Variants in WNK1 observed in about 807,000 individuals in gnomAD.
WNK1 encodes the protein serine/threonine-protein kinase WNK1.
Under a neutral mutation model 222.8 loss-of-function variants are expected in WNK1, and 38 were observed. The ratio of observed to expected loss-of-function variants is 0.17; its 90% confidence interval spans 0.13 to 0.22. The LOEUF is 0.22. Ranked by LOEUF, WNK1 falls within the 10% of genes least tolerant of loss-of-function variation. The probability of loss-of-function intolerance (pLI) is 1.00; values close to 1 mark genes in which losing one functional copy is unlikely to be tolerated. For synonymous variants in WNK1, 1,090 were observed against 1,092.9 expected, an observed-to-expected ratio of 1.00 and a Z score of 0.05; for missense variants, 2,348 against 2,918.4, an observed-to-expected ratio of 0.80 and a Z score of 4.50.
At chr12:773,555 C>T (rs924202034) in intron 1 of WNK1, among the ~76,000 whole-genome samples, 10 of 152,160 alleles carry the variant, frequency 6.6e-5, no homozygotes, top group Non-Finnish European at 5.9e-5. Context: ...AATAACCCCA[C>T]TGAAGTTTCA....
rs1404252218 is a variant in WNK1 at position 884,201 on chromosome 12, T to G, written c.3802T>G (p.Leu1268Val). ...FIVSPVPESR[L>V]RESKVFPSEI... is the part of the protein sequence containing the mutation. ...AGTGAGTCCTGTGCCAGAAAGCCGA[T>G]TACGAGAATCAAAAGTTTTCCCCAG... Residue 1268 changes from leucine (L) to valine (V), a missense_variant, in exon 18 of 28, where the codon TTA becomes GTA. Transcript: ENST00000315939. This position sits in a 1 kb window ranked among gnomAD's most constrained non-coding sequence, Gnocchi z 5.6. The G allele has an allele frequency of 1.2e-6, 2 of 1,614,066 alleles. No homozygotes were observed. The highest frequency in any genetic ancestry group is 4.5e-5 in the East Asian group (2 of 44,890).
Position 754,055 on chromosome 12 carries a change from C to T in WNK1, c.490C>T (p.Arg164Cys), listed in dbSNP as rs201939737. 117 of 1,600,558 alleles carry T rather than the reference C, an allele frequency of 7.3e-5. No individual in the cohort carries two copies. In the East Asian group the frequency reaches 2.5e-3, roughly 34 times the overall value. The change falls in exon 1 of 28, where the codon CGC (arginine) becomes TGC (cysteine). Residue 164 changes from arginine (R) to cysteine (C), a missense_variant. Physicochemically the swap from Arg to Cys is radical, Grantham distance 180 (BLOSUM62 -3). Around this residue, in one of 13 missense-constraint regions of WNK1, gnomAD observed 185 missense variants for 159.2 expected, o/e 1.16. Coordinates refer to ENST00000315939, the MANE Select transcript of WNK1 (RefSeq NM_018979.4). ...TGTCCCCAGCAGTACCAGCAAAGAC[C>T]GCCCAGTGTCCCAGCCTAGCCTTGT... ...STVPSSTSKD[R>C]PVSQPSLVGS...
chr12:801,246 T>C (rs1419660794), intron 1 of WNK1, among the ~76,000 whole-genome samples: 1 of 152,236 alleles, frequency 6.6e-6, no homozygotes, highest in Non-Finnish European at 1.5e-5. Flanking sequence ...TTGAATGATA[T>C]TAATGAATGT....
At position 883,011 on chromosome 12, in the gene WNK1, C is replaced by T. The variant is rs760041218; in HGVS notation, c.3441C>T (p.Phe1147=). 1.2e-6 allele frequency: 2 copies of T among 1,613,688 alleles called. No individual in the cohort carries two copies. The highest frequency in any genetic ancestry group is 2.2e-5 in the South Asian group (2 of 91,070). Reference sequence around the variant, plus strand: ...CTCATAATAGGAAAATGGTTACATTCAAATTTGACCTAGATGGTGACAACC... The same window carrying T: ...CTCATAATAGGAAAATGGTTACATTTAAATTTGACCTAGATGGTGACAACC... ...LETHNRKMVT[F]KFDLDGDNPE... The change falls in exon 15 of 28, where the codon TTC becomes TTT. Residue 1147 remains phenylalanine, a synonymous_variant. Transcript: ENST00000315939.
chr12:890,637 T>C, intron 22 of WNK1, 124 bp downstream of exon 22: 1 of 981,930 alleles, frequency 1.0e-6, no homozygotes, highest in East Asian at 2.6e-5. Context: ...TTGGTAGTAA[T>C]ATCTAAAGCT....
chr12:823,804 G>A (rs994265719), intron 2 of WNK1, among the ~76,000 whole-genome samples: 83 of 152,174 alleles, frequency 5.5e-4, no homozygotes, highest in African/African-American at 1.8e-3. Context: ...GCTTATGAGA[G>A]TGGAGCTTTT....
chr12:787,023 T>C (rs1367751976), intron 1 of WNK1, among the ~76,000 whole-genome samples: 1 of 152,216 alleles, frequency 6.6e-6, no homozygotes, highest in Admixed American at 6.5e-5. Context: ...ATAGATTTAT[T>C]TTCTTTGCAT....
intron 8 of WNK1, chr12:864,960 A>G (rs1001517474): frequency 1.1e-6 from 1 of 904,764 alleles, no homozygotes; most frequent in African/African-American, 1.9e-5. Context: ...ATGTTGAGTT[A>G]TAGCTCTCCT....
At chr12:894,383 A>G (rs1954557309) in intron 22 of WNK1, among the ~76,000 whole-genome samples, 179 bp from the exon 23 acceptor site, 1 of 152,206 alleles carries the variant, frequency 6.6e-6, no homozygotes, top group Non-Finnish European at 1.5e-5. Context: ...AGTAGAGCAA[A>G]CAATAACTCT....
chr12:908,861 G>GGGGGGGGGGC lies in WNK1; in HGVS notation c.*69_*70insGGGGGGGGGC. ...ATGCTGAGGGGGTGGGTGGGGGTGG[G>GGGGGGGGGGC]AAGTAGCCTATATACTAACTACTAG... On this transcript the variant is annotated 3_prime_UTR_variant, in exon 28 of 28. Transcript: ENST00000315939. The GGGGGGGGGGC allele has an allele frequency of 6.1e-6, 3 of 491,846 alleles. No individual in the cohort carries two copies. Among genetic ancestry groups the GGGGGGGGGGC allele is most frequent in the Non-Finnish European group, 8.3e-6 (2 of 241,770 alleles). 30.5% of individuals were successfully genotyped at this position (491,846 alleles called of 1,614,324 possible).
chr12:861,540 A>G (rs1262805760), intron 7 of WNK1, among the ~76,000 whole-genome samples, 197 bp downstream of exon 7: 17 of 152,182 alleles, frequency 1.1e-4, no homozygotes, highest in Admixed American at 1.0e-3. Context: ...GTGGTAAGGA[A>G]ATGTGATTAG....
At chr12:877,937 G>A (rs1268285922) in intron 9 of WNK1, 2 of 461,882 alleles carry the variant, frequency 4.3e-6, no homozygotes, top group African/African-American at 2.0e-5. Context: ...TCTTTGTAAA[G>A]ACCTATTGTT....
At chr12:782,154 A>G (rs2153968861) in intron 1 of WNK1, among the ~76,000 whole-genome samples, 1 of 152,338 alleles carries the variant, frequency 6.6e-6, no homozygotes, top group Middle Eastern at 3.4e-3. Context: ...TTTGGAAAGT[A>G]ACTTCTGAGA....
In WNK1 at chr12:753,361, C is replaced by G. The variant is rs1939479495; in HGVS notation, c.-205C>G. 3.1e-6 allele frequency: 2 copies of G among 653,450 alleles called. No homozygotes were observed. Among genetic ancestry groups the G allele is most frequent in the Non-Finnish European group, 5.1e-6 (2 of 392,002 alleles). 40.5% of individuals were successfully genotyped at this position (653,450 alleles called of 1,614,324 possible). A position where few individuals can be genotyped will look rare whatever the true frequency, so the allele number is the denominator to read the frequency against. On this transcript the variant is annotated 5_prime_UTR_variant, in exon 1 of 28. Coordinates refer to ENST00000315939, the MANE Select transcript of WNK1 (RefSeq NM_018979.4). This position sits in a 1 kb window ranked among gnomAD's most constrained non-coding sequence, Gnocchi z 5.2. ...AGCCCTCCTCGTGAGCCGCAGCAGC[C>G]TCGGTGCCAGCCCCCGCCGCAGCTG... is the stretch of plus-strand genomic sequence containing the variant.
At chr12:791,704 A>G (rs1944858996) in intron 1 of WNK1, among the ~76,000 whole-genome samples, 1 of 152,228 alleles carries the variant, frequency 6.6e-6, no homozygotes, top group Non-Finnish European at 1.5e-5. Context: ...ATTGTCATTT[A>G]CAGCTTACTT....
At position 837,657 on chromosome 12, in the gene WNK1, G is replaced by A. The variant is rs947523383; in HGVS notation, c.1311+7497G>A. Reference sequence around the variant, plus strand: ...TTGGCCAAGACTCAGCAGTTGTTACGGGCATACTCCTAAGTTAGGTTTTCA... The same window carrying A: ...TTGGCCAAGACTCAGCAGTTGTTACAGGCATACTCCTAAGTTAGGTTTTCA... On this transcript the variant is annotated intron_variant, in intron 4 of 27. Coordinates refer to ENST00000315939, the MANE Select transcript of WNK1 (RefSeq NM_018979.4). Among the ~76,000 whole-genome samples the A allele has an allele frequency of 1.1e-4, 17 of 151,836 alleles. No individual in the cohort carries two copies. The East Asian group carries it at 2.5e-3, about 22-fold the overall frequency.
chr12:782,067 CAAGT>C (rs1182223549), intron 1 of WNK1, among the ~76,000 whole-genome samples: 1 of 152,110 alleles, frequency 6.6e-6, no homozygotes, highest in Non-Finnish European at 1.5e-5. Context: ...TTTTAAGTAA[CAAGT>C]AACAAACACT....
At chr12:876,784 A>G (rs1021805191) in intron 9 of WNK1, among the ~76,000 whole-genome samples, 2 of 152,168 alleles carry the variant, frequency 1.3e-5, no homozygotes, top group African/African-American at 4.8e-5. Context: ...ATAGAACACT[A>G]TGTATAGGAA....
At chr12:908,267 TAC>T (rs1198817942) in intron 27 of WNK1, 39 of 746,452 alleles carry the variant, frequency 5.2e-5, no homozygotes, top group Non-Finnish European at 5.5e-5. Context: ...CATCCTCAAC[TAC>T]ACACACACAG....
Sources: gnomAD v4.1 joint callset for allele counts (sites outside exome capture counted in the v4.1 genomes callset) on GRCh38, gnomAD v4.1.1 for gene constraint, gnomAD v4.1.1 regional missense constraint, Gnocchi (gnomAD v3.1) non-coding constraint, MANE v1.5 for transcripts, NCBI Gene and HGNC (gene_info 2026-07-23, HGNC 2026-07-21) for gene names.